Variants in PUDP observed in about 807,000 individuals in gnomAD.
The protein encoded by PUDP is pseudouridine 5'-phosphatase.
Under a neutral mutation model 9.4 loss-of-function variants are expected in PUDP, and 8 were observed. The observed-to-expected ratio is 0.85, with a 90% CI of 0.50 to 1.53. The LOEUF (loss-of-function observed/expected upper bound fraction) is 1.53, where lower values mean the gene tolerates loss of function less well. Ranked by LOEUF, PUDP falls within the 40% of genes most tolerant of loss-of-function variation. PUDP has a pLI of 0.00. For missense variants in PUDP, 188 were observed against 189.7 expected (o/e 0.99, Z 0.05); for synonymous variants, 99 against 80.7 (o/e 1.23, Z -1.22).
At chrX:6,720,114 A>G (rs1309984388) in intron 1 of PUDP, among the ~76,000 whole-genome samples, 1 of 105,427 alleles carries the variant, frequency 9.5e-6, no homozygotes, top group African/African-American at 3.5e-5. Context: ...ACATATATAC[A>G]TTTATTCATA....
chrX:6,992,319 C>T (rs1338394407), intron 1 of PUDP, among the ~76,000 whole-genome samples: 1 of 50,423 alleles, frequency 2.0e-5, no homozygotes, highest in African/African-American at 6.4e-5. Context: ...GTCGCCCAGG[C>T]TGGAGTGCAG....
chrX:6,875,907 T>G (rs1179852414), intron 3 of PUDP, among the ~76,000 whole-genome samples: 1 of 112,422 alleles, frequency 8.9e-6, no homozygotes, highest in Non-Finnish European at 1.9e-5. Context: ...CCAACATGTT[T>G]GTTATTTGAA....
At chrX:6,956,457 C>T (rs937169648) in intron 3 of PUDP, among the ~76,000 whole-genome samples, 7 of 109,923 alleles carry the variant, frequency 6.4e-5, no homozygotes, top group Non-Finnish European at 1.3e-4. Flanking sequence ...GCATGCAGTA[C>T]ATAAACAGAT....
intron 2 of PUDP, among the ~76,000 whole-genome samples, chrX:7,100,981 C>G (rs550061084): frequency 3.3e-4 from 37 of 111,822 alleles, no homozygotes; most frequent in African/African-American, 1.1e-3. Flanking sequence ...AATACCAAAG[C>G]GGCACATCAT....
At chrX:6,890,620 T>C (rs1314842100) in intron 3 of PUDP, among the ~76,000 whole-genome samples, 1 of 110,846 alleles carries the variant, frequency 9.0e-6, no homozygotes, top group Non-Finnish European at 1.9e-5. Context: ...CTTTCCTTGT[T>C]TGAAACAGCT....
chrX:6,916,191 T>TACACACACACACAC (rs747162229), intron 3 of PUDP, among the ~76,000 whole-genome samples: 4 of 69,832 alleles, frequency 5.7e-5, no homozygotes, highest in East Asian at 9.7e-4. Context: ...ATGCTTTTTC[T>TACACACACACACAC]ACACACACAC....
At chrX:6,801,324 A>G (rs1925929222) in intron 3 of PUDP, among the ~76,000 whole-genome samples, 1 of 111,686 alleles carries the variant, frequency 9.0e-6, no homozygotes, top group African/African-American at 3.3e-5. Flanking sequence ...AAGATGGGTA[A>G]GTCGTCAGAG....
intron 3 of PUDP, among the ~76,000 whole-genome samples, chrX:6,829,631 T>C (rs1926475635): frequency 8.9e-6 from 1 of 111,917 alleles, no homozygotes; most frequent in African/African-American, 3.3e-5. Context: ...TGACAACCTG[T>C]TATATAGAGT....
intron 3 of PUDP, among the ~76,000 whole-genome samples, chrX:6,928,754 C>T (rs1255794907): frequency 1.8e-5 from 2 of 110,698 alleles, no homozygotes; most frequent in Non-Finnish European, 3.8e-5. Context: ...AAAAATTAGC[C>T]GGGTGTGGTG....
intron 3 of PUDP, among the ~76,000 whole-genome samples, chrX:6,844,149 T>C (rs1271430452): frequency 8.9e-6 from 1 of 112,527 alleles, no homozygotes; most frequent in African/African-American, 3.2e-5. Flanking sequence ...CCTATTTGGT[T>C]CTCTCTGATG....
intron 3 of PUDP, among the ~76,000 whole-genome samples, chrX:6,730,235 CCTCCCA>C (rs1924792995): frequency 8.9e-6 from 1 of 112,039 alleles, no homozygotes; most frequent in African/African-American, 3.2e-5. Flanking sequence ...GAATCCCTGA[CCTCCCA>C]CTGATGATGC....
At chrX:6,741,525 T>C (rs1293765042) in intron 3 of PUDP, among the ~76,000 whole-genome samples, 1 of 111,326 alleles carries the variant, frequency 9.0e-6, no homozygotes, top group Non-Finnish European at 1.9e-5. Context: ...TAGATATAGA[T>C]ATATAGAGGG....
At chrX:6,827,936 T>G (rs1298373047) in intron 3 of PUDP, among the ~76,000 whole-genome samples, 1 of 112,268 alleles carries the variant, frequency 8.9e-6, no homozygotes, top group Non-Finnish European at 1.9e-5. Context: ...GAGTAACACA[T>G]GTATTTTATA....
intron 3 of PUDP, among the ~76,000 whole-genome samples, chrX:6,816,494 A>G (rs1926237815): frequency 9.7e-6 from 1 of 102,774 alleles, no homozygotes; most frequent in African/African-American, 3.5e-5. Flanking sequence ...ACTATATACT[A>G]TATTTATACA....
intron 3 of PUDP, among the ~76,000 whole-genome samples, chrX:6,914,773 C>T (rs761207032): frequency 8.9e-6 from 1 of 112,203 alleles, no homozygotes; most frequent in African/African-American, 3.2e-5. Context: ...ATTATGGTAC[C>T]GAAAGAATCA....
chrX:6,732,714 TAAC>T (rs1391456427), intron 3 of PUDP, among the ~76,000 whole-genome samples: 15 of 109,375 alleles, frequency 1.4e-4, no homozygotes, highest in Non-Finnish European at 2.9e-4. Context: ...AGTGAGGGAG[TAAC>T]TGTAAATAAG....
chrX:7,064,306 C>T (rs903745248), intron 3 of PUDP, among the ~76,000 whole-genome samples: 2 of 111,394 alleles, frequency 1.8e-5, no homozygotes, highest in African/African-American at 6.5e-5. Flanking sequence ...GCTGTTGATC[C>T]GCATTTATTG....
At chrX:6,731,078 A>AT (rs199641048) in intron 3 of PUDP, among the ~76,000 whole-genome samples, 1,529 of 80,458 alleles carry the variant, frequency 0.019, 34 homozygotes, top group African/African-American at 0.066. Flanking sequence ...ATTTTATTTT[A>AT]TTTTTTTTAG....
chrX:7,026,519 T>A (rs1929712524), intron 1 of PUDP, among the ~76,000 whole-genome samples: 1 of 112,042 alleles, frequency 8.9e-6, no homozygotes, highest in Non-Finnish European at 1.9e-5. Context: ...GCACCCAGCA[T>A]CCACCCAGCG....
Sources: allele counts gnomAD v4.1 joint callset (sites outside exome capture counted in the v4.1 genomes callset), GRCh38; gene constraint gnomAD v4.1.1; transcripts MANE v1.5; gene names NCBI Gene and HGNC (gene_info 2026-07-23, HGNC 2026-07-21).